GRID2: variants seen among roughly 807,000 people sequenced by gnomAD.
GRID2 encodes glutamate receptor ionotropic, delta-2.
GRID2 carries 33 observed loss-of-function variants against 114.8 expected under a neutral mutation model. That is an observed-to-expected ratio of 0.29 (90% CI 0.22 to 0.38). The LOEUF is 0.38. Among genes scored for constraint, GRID2 ranks in the 10% least tolerant of loss-of-function variants. GRID2 has a pLI of 1.00. For synonymous variants in GRID2, 505 were observed against 449.9 expected, an observed-to-expected ratio of 1.12 and a Z score of -1.55; for missense variants, 1,184 against 1,257.7, an observed-to-expected ratio of 0.94 and a Z score of 0.89.
At position 92,956,102 on chromosome 4, in the gene GRID2, G is replaced by A. The variant is rs192803976; in HGVS notation, c.245-128893G>A. Among the ~76,000 whole-genome samples, 211 of 152,308 alleles carry A rather than the reference G, an allele frequency of 1.4e-3. 2 individuals carry two copies. The highest frequency in any genetic ancestry group is 0.012 in the Admixed American group (182 of 15,288). On this transcript the variant is annotated intron_variant, in intron 2 of 15. Coordinates refer to ENST00000282020, the MANE Select transcript of GRID2 (RefSeq NM_001510.4). ...TTTTTGGAACAGTTGTAGGTTCACA[G>A]CAAAACTGAGCAGAAGTTACAGAGA...
intron 14 of GRID2, among the ~76,000 whole-genome samples, chr4:93,703,354 A>G (rs913108426): frequency 1.3e-5 from 2 of 152,152 alleles, no homozygotes; most frequent in Non-Finnish European, 2.9e-5. Flanking sequence ...ATCAGGGCAA[A>G]TGAAGTATCT....
In GRID2 at chr4:92,304,271, T is replaced by C. The variant is rs377502564; in HGVS notation, c.-386T>C. On this transcript the variant is annotated 5_prime_UTR_variant, in exon 1 of 16. Transcript: ENST00000282020. ...GGGCACATCCGGCGTGAGGGGGGTG[T>C]TGGAAGTTGCAGCGGAGCTGGGACC... 14 of 231,718 alleles carry C rather than the reference T, an allele frequency of 6.0e-5. No individual in the cohort carries two copies. In the East Asian group the frequency reaches 1.6e-3, roughly 27 times the overall value. 14.4% of individuals were successfully genotyped at this position (231,718 alleles called of 1,614,324 possible). A position where few individuals can be genotyped will look rare whatever the true frequency, so the allele number is the denominator to read the frequency against.
At chr4:93,024,465 T>A (rs993490606) in intron 2 of GRID2, among the ~76,000 whole-genome samples, 2 of 151,822 alleles carry the variant, frequency 1.3e-5, no homozygotes, top group African/African-American at 4.8e-5. Context: ...TAAAATTTTC[T>A]TCTGAAGTTA....
chr4:93,700,853 T>C (rs1056060063), intron 14 of GRID2, among the ~76,000 whole-genome samples: 13 of 152,092 alleles, frequency 8.5e-5, no homozygotes, highest in Non-Finnish European at 1.6e-4. Flanking sequence ...AATGAATCTG[T>C]TTTATCTTTG....
At chr4:92,853,318 A>C (rs1743958339) in intron 2 of GRID2, among the ~76,000 whole-genome samples, 1 of 152,092 alleles carries the variant, frequency 6.6e-6, no homozygotes, top group Non-Finnish European at 1.5e-5. Context: ...GGATATAAAC[A>C]CAATAAATGT....
intron 3 of GRID2, among the ~76,000 whole-genome samples, chr4:93,087,817 A>AT (rs1730459820): frequency 1.3e-5 from 2 of 152,208 alleles, no homozygotes; most frequent in Non-Finnish European, 2.9e-5. Context: ...CAAGTAAAGC[A>AT]TTGGACTAGA....
intron 1 of GRID2, among the ~76,000 whole-genome samples, chr4:92,370,632 A>G (rs922508930): frequency 6.6e-6 from 1 of 152,180 alleles, no homozygotes; most frequent in African/African-American, 2.4e-5. Flanking sequence ...TAATACTGCA[A>G]TGGCCTCTAA....
At chr4:93,617,688 A>T (rs893689462) in intron 13 of GRID2, among the ~76,000 whole-genome samples, 1 of 152,198 alleles carries the variant, frequency 6.6e-6, no homozygotes, top group East Asian at 1.9e-4. Flanking sequence ...TTAAATTAAC[A>T]TTATCTTGGT....
intron 2 of GRID2, among the ~76,000 whole-genome samples, chr4:92,743,046 G>A (rs547192093): frequency 2.6e-5 from 4 of 152,162 alleles, no homozygotes; most frequent in Admixed American, 1.3e-4. Context: ...GGAGGTTGAG[G>A]CAGGAAGATC....
intron 1 of GRID2, among the ~76,000 whole-genome samples, chr4:92,394,198 T>C (rs1424531343): frequency 1.3e-5 from 2 of 152,152 alleles, no homozygotes; most frequent in Admixed American, 6.5e-5. Flanking sequence ...TGTAGTAATA[T>C]CAATAATCAT....
intron 1 of GRID2, among the ~76,000 whole-genome samples, chr4:92,455,857 T>C (rs549831604): frequency 5.4e-4 from 82 of 152,336 alleles, no homozygotes; most frequent in Middle Eastern, 3.4e-3. Flanking sequence ...TATGATCTTA[T>C]TGCTGCCTGC....
At chr4:93,740,325 G>A (rs559178435) in intron 14 of GRID2, among the ~76,000 whole-genome samples, 9 of 152,022 alleles carry the variant, frequency 5.9e-5, no homozygotes, top group African/African-American at 1.9e-4. Flanking sequence ...ACATATCTCC[G>A]CCAAGCAACC....
At chr4:93,724,386 T>C (rs1729654600) in intron 14 of GRID2, among the ~76,000 whole-genome samples, 1 of 152,194 alleles carries the variant, frequency 6.6e-6, no homozygotes, top group Admixed American at 6.5e-5. Flanking sequence ...TGTTGCATCG[T>C]ATCTTCATAG....
At chr4:93,627,950 G>A (rs1742876711) in intron 14 of GRID2, among the ~76,000 whole-genome samples, 1 of 152,154 alleles carries the variant, frequency 6.6e-6, no homozygotes, top group African/African-American at 2.4e-5. Flanking sequence ...AAGGCAGGTG[G>A]ATCACTTGAG....
At chr4:92,403,165 G>T (rs989107746) in intron 1 of GRID2, among the ~76,000 whole-genome samples, 4 of 152,172 alleles carry the variant, frequency 2.6e-5, no homozygotes, top group African/African-American at 9.7e-5. Flanking sequence ...TTTGGCTTAA[G>T]AGAATGTGTG....
intron 2 of GRID2, among the ~76,000 whole-genome samples, chr4:92,867,742 T>C (rs578185874): frequency 6.6e-6 from 1 of 152,310 alleles, no homozygotes; most frequent in African/African-American, 2.4e-5. Context: ...GATTTGCTAT[T>C]GTCCTGTTTG....
intron 13 of GRID2, among the ~76,000 whole-genome samples, chr4:93,547,588 TATCTCTAAGTTAC>T (rs977041189): frequency 6.6e-6 from 1 of 152,200 alleles, no homozygotes; most frequent in African/African-American, 2.4e-5. Context: ...TGCTAATTAT[TATCTCTAAGTTAC>T]ATTTCATAGT....
chr4:93,418,606 A>G (rs543475429), intron 9 of GRID2, among the ~76,000 whole-genome samples: 31 of 152,106 alleles, frequency 2.0e-4, no homozygotes, highest in African/African-American at 6.0e-4. Flanking sequence ...TGCAGGTTCT[A>G]TTATTGAAGA....
At chr4:93,606,881 AT>A in intron 13 of GRID2, among the ~76,000 whole-genome samples, 1 of 152,160 alleles carries the variant, frequency 6.6e-6, no homozygotes, top group East Asian at 1.9e-4. Context: ...GTATTTAAAA[AT>A]TCTAAACATA....
Sources: gnomAD v4.1 joint callset for allele counts (sites outside exome capture counted in the v4.1 genomes callset) on GRCh38, gnomAD v4.1.1 for gene constraint, MANE v1.5 for transcripts, NCBI Gene and HGNC (gene_info 2026-07-23, HGNC 2026-07-21) for gene names.